PSD3: variants seen among roughly 807,000 people sequenced by gnomAD.
PSD3 encodes pleckstrin and Sec7 domain containing 3.
PSD3 carries 49 observed loss-of-function variants against 105.5 expected under a neutral mutation model. The ratio of observed to expected loss-of-function variants is 0.46; its 90% CI spans 0.37 to 0.59. The LOEUF (loss-of-function observed/expected upper bound fraction) is 0.59. Among genes scored for constraint, PSD3 ranks in the 20% least tolerant of loss-of-function variants. The pLI, the probability that PSD3 is intolerant of heterozygous loss-of-function variation, is 0.00. For synonymous variants in PSD3, 557 were observed against 457.8 expected (o/e 1.22, Z -2.77); for missense variants, 1,561 against 1,263.8 (o/e 1.24, Z -3.57).
At chr8:18,567,420 C>T (rs964647718) in intron 14 of PSD3, among the ~76,000 whole-genome samples, 1 of 152,000 alleles carries the variant, frequency 6.6e-6, no homozygotes, top group East Asian at 1.9e-4. Flanking sequence ...TTTAAGAGTT[C>T]ATATTTTAGT....
intron 1 of PSD3, among the ~76,000 whole-genome samples, chr8:18,941,969 C>G (rs950392538): frequency 2.6e-5 from 4 of 152,046 alleles, no homozygotes; most frequent in Non-Finnish European, 5.9e-5. Flanking sequence ...AGCTGCCACA[C>G]CCAGCCTAGA....
At chr8:18,753,725 A>G (rs1805792024) in intron 9 of PSD3, among the ~76,000 whole-genome samples, 1 of 152,184 alleles carries the variant, frequency 6.6e-6, no homozygotes, top group South Asian at 2.1e-4. Flanking sequence ...ATGCCAAAAA[A>G]TCTTTATAAG....
At chr8:18,599,369 A>T (rs1192448528) in intron 12 of PSD3, among the ~76,000 whole-genome samples, 1 of 152,220 alleles carries the variant, frequency 6.6e-6, no homozygotes, top group African/African-American at 2.4e-5. Flanking sequence ...ACAGAACCAT[A>T]TGACCCCACA....
chr8:18,731,331 G>A (rs1803736027), intron 9 of PSD3, among the ~76,000 whole-genome samples: 1 of 152,194 alleles, frequency 6.6e-6, no homozygotes, highest in East Asian at 1.9e-4. Context: ...TGCACTCATG[G>A]AGTCAGTGTT....
chr8:18,979,218 G>A (rs1317496664), intron 1 of PSD3, among the ~76,000 whole-genome samples: 2 of 151,850 alleles, frequency 1.3e-5, no homozygotes, highest in Non-Finnish European at 2.9e-5. Flanking sequence ...TTCATTGCAG[G>A]CTTCCAAAAT....
In PSD3 at chr8:18,954,945, C is replaced by T. The variant is rs557613548; in HGVS notation, c.22-18803G>A. On this transcript the variant is annotated intron_variant, in intron 1 of 15. Transcript: ENST00000327040. The stretch of plus-strand genomic sequence containing the variant: ...GTGACGTCACGTTAGGATGGACAGA[C>T]GCCAAAAAAAGAGATAACATCAAGG... Among the ~76,000 whole-genome samples, 25 of 152,162 alleles carry T rather than the reference C, an allele frequency of 1.6e-4. 1 individual carries two copies. In the South Asian group the frequency reaches 2.9e-3, roughly 18 times the overall value.
At chr8:18,864,811 C>T (rs1056947794) in intron 4 of PSD3, 1 of 151,952 alleles carries the variant, frequency 6.6e-6, no homozygotes, top group African/African-American at 2.4e-5. Context: ...AGGCTTAATA[C>T]CTCAATGTCC....
chr8:19,021,907 T>C (rs1356605644), intron 1 of PSD3, among the ~76,000 whole-genome samples: 1 of 152,216 alleles, frequency 6.6e-6, no homozygotes, highest in Non-Finnish European at 1.5e-5. Flanking sequence ...TCTATTTGTG[T>C]TACTATAAAG....
intron 9 of PSD3, among the ~76,000 whole-genome samples, chr8:18,751,136 G>C (rs1274785029): frequency 6.6e-6 from 1 of 152,162 alleles, no homozygotes; most frequent in Non-Finnish European, 1.5e-5. Context: ...GGAACCCACG[G>C]AGGCGGGGAA....
At chr8:18,897,252 T>C (rs1339938749) in intron 2 of PSD3, among the ~76,000 whole-genome samples, 1 of 152,216 alleles carries the variant, frequency 6.6e-6, no homozygotes, top group East Asian at 1.9e-4. Flanking sequence ...GTGATGTGTC[T>C]GCTTATTGAA....
chr8:18,908,059 G>A (rs1257374525), intron 2 of PSD3, among the ~76,000 whole-genome samples: 2 of 152,160 alleles, frequency 1.3e-5, no homozygotes, highest in Non-Finnish European at 2.9e-5. Flanking sequence ...GATGAATGCA[G>A]AATTGATAAC....
intron 9 of PSD3, among the ~76,000 whole-genome samples, chr8:18,656,498 C>A (rs59807499): frequency 0.4 from 60,916 of 151,798 alleles, 12,739 homozygotes; most frequent in African/African-American, 0.51. Flanking sequence ...CTGACTTAAT[C>A]CAGTTTTTAT....
chr8:18,673,307 C>T (rs1329893164), intron 9 of PSD3, among the ~76,000 whole-genome samples: 1 of 152,070 alleles, frequency 6.6e-6, no homozygotes, highest in Non-Finnish European at 1.5e-5. Flanking sequence ...AATTTTCAGT[C>T]CTCATATTAT....
chr8:18,848,842 G>A (rs914493206), intron 4 of PSD3, among the ~76,000 whole-genome samples: 10 of 152,202 alleles, frequency 6.6e-5, no homozygotes, highest in African/African-American at 2.4e-4. Context: ...ATACAAAAAT[G>A]TGGCAACTGC....
At chr8:18,732,551 T>C (rs1357631550) in intron 9 of PSD3, among the ~76,000 whole-genome samples, 2 of 152,230 alleles carry the variant, frequency 1.3e-5, no homozygotes, top group Admixed American at 6.5e-5. Flanking sequence ...TGTATGAGCA[T>C]GGTGCCAGCT....
intron 9 of PSD3, among the ~76,000 whole-genome samples, chr8:18,758,821 G>C (rs548810904): frequency 1.1e-4 from 16 of 152,164 alleles, no homozygotes; most frequent in Admixed American, 8.5e-4. Flanking sequence ...CAGCTGACAA[G>C]ATAGGTTAAA....
At chr8:18,742,369 T>G (rs1018667590) in intron 9 of PSD3, among the ~76,000 whole-genome samples, 2 of 152,156 alleles carry the variant, frequency 1.3e-5, no homozygotes, top group African/African-American at 4.8e-5. Flanking sequence ...TAAATTAGAA[T>G]GGTCAGGCTG....
intron 4 of PSD3, among the ~76,000 whole-genome samples, chr8:18,821,256 T>C (rs568655125): frequency 1.5e-4 from 23 of 152,224 alleles, no homozygotes; most frequent in Admixed American, 1.5e-3. Flanking sequence ...ACAGAAATTC[T>C]CTCTATTCAA....
At chr8:18,954,546 C>T (rs985108931) in intron 1 of PSD3, among the ~76,000 whole-genome samples, 2 of 152,110 alleles carry the variant, frequency 1.3e-5, no homozygotes, top group Non-Finnish European at 2.9e-5. Flanking sequence ...TCCATCCATC[C>T]ATCCATCCAT....
Sources: gnomAD v4.1 joint callset for allele counts (sites outside exome capture counted in the v4.1 genomes callset) on GRCh38, gnomAD v4.1.1 for gene constraint, MANE v1.5 for transcripts, NCBI Gene and HGNC (gene_info 2026-07-23, HGNC 2026-07-21) for gene names.